CNTNAP4: variants seen among roughly 807,000 people sequenced by gnomAD.
CNTNAP4 encodes the protein contactin associated protein family member 4.
CNTNAP4 carries 98 observed loss-of-function variants against 148.4 expected under a neutral mutation model. The ratio of observed to expected loss-of-function variants is 0.66; its 90% CI spans 0.56 to 0.78. The LOEUF (loss-of-function observed/expected upper bound fraction) is 0.78, where lower values mean the gene tolerates loss of function less well. CNTNAP4 is among the 30% of genes least tolerant of loss of function. CNTNAP4 has a pLI of 0.00. For missense variants in CNTNAP4, 1,935 were observed against 1,565.6 expected, an observed-to-expected ratio of 1.24 and a Z score of -3.98; for synonymous variants, 730 against 565.1, an observed-to-expected ratio of 1.29 and a Z score of -4.14.
At chr16:76,454,419 A>C (rs542598275) in intron 8 of CNTNAP4, among the ~76,000 whole-genome samples, 2 of 152,304 alleles carry the variant, frequency 1.3e-5, no homozygotes, top group African/African-American at 4.8e-5. Context: ...GGGATTTAAA[A>C]ATTTCTAAAT....
intron 3 of CNTNAP4, among the ~76,000 whole-genome samples, chr16:76,361,179 A>T (rs180968479): frequency 6.6e-6 from 1 of 152,226 alleles, no homozygotes; most frequent in African/African-American, 2.4e-5. Flanking sequence ...GTCTTGACAA[A>T]TTTTTAAGTG....
At chr16:76,311,530 A>G (rs1961109145) in intron 1 of CNTNAP4, among the ~76,000 whole-genome samples, 2 of 152,180 alleles carry the variant, frequency 1.3e-5, no homozygotes, top group African/African-American at 4.8e-5. Context: ...TGTAACTAGT[A>G]TATATACATT....
At chr16:76,485,918 A>G (rs1156854249) in intron 12 of CNTNAP4, among the ~76,000 whole-genome samples, 1 of 152,162 alleles carries the variant, frequency 6.6e-6, no homozygotes, top group East Asian at 1.9e-4. Context: ...TTAAGACAGC[A>G]CTTCCTACCT....
At chr16:76,490,798 C>T (rs1462992069) in intron 13 of CNTNAP4, among the ~76,000 whole-genome samples, 1 of 152,126 alleles carries the variant, frequency 6.6e-6, no homozygotes, top group Non-Finnish European at 1.5e-5. Flanking sequence ...ACCCTCGTGC[C>T]ACCCTCAAAC....
chr16:76,387,849 T>C (rs2016642811), intron 3 of CNTNAP4, among the ~76,000 whole-genome samples: 2 of 152,184 alleles, frequency 1.3e-5, no homozygotes, highest in South Asian at 4.1e-4. Flanking sequence ...TCAATAAATG[T>C]AAAGTGATTG....
chr16:76,498,433 T>C, intron 14 of CNTNAP4, 134 bp from the exon 15 acceptor site: 1 of 564,042 alleles, frequency 1.8e-6, no homozygotes, highest in Non-Finnish European at 3.0e-6. Flanking sequence ...TCATTCTGTT[T>C]TTATGTGCTC....
At chr16:76,378,785 A>C (rs1306113531) in intron 3 of CNTNAP4, among the ~76,000 whole-genome samples, 2 of 152,220 alleles carry the variant, frequency 1.3e-5, no homozygotes, top group African/African-American at 4.8e-5. Context: ...TCTGTCCTCC[A>C]TGTCAGTGAG....
chr16:76,305,419 C>G (rs779609183), intron 1 of CNTNAP4, among the ~76,000 whole-genome samples: 1 of 151,958 alleles, frequency 6.6e-6, no homozygotes, highest in Non-Finnish European at 1.5e-5. Flanking sequence ...AAAACCAATT[C>G]CTTCCTTGTG....
At chr16:76,331,674 C>T (rs974903829) in intron 2 of CNTNAP4, among the ~76,000 whole-genome samples, 1 of 152,074 alleles carries the variant, frequency 6.6e-6, no homozygotes, top group Non-Finnish European at 1.5e-5. Flanking sequence ...TATCCTTATG[C>T]ATTGTATGCA....
At chr16:76,329,923 C>T (rs1488688837) in intron 2 of CNTNAP4, among the ~76,000 whole-genome samples, 1 of 152,126 alleles carries the variant, frequency 6.6e-6, no homozygotes, top group Non-Finnish European at 1.5e-5. Flanking sequence ...CAAAGTCTCA[C>T]CATTGACCTT....
chr16:76,453,332 C>A (rs1427412337), intron 8 of CNTNAP4, among the ~76,000 whole-genome samples: 1 of 152,154 alleles, frequency 6.6e-6, no homozygotes, highest in Non-Finnish European at 1.5e-5. Flanking sequence ...AAATGAAATT[C>A]TCTCTACTTC....
chr16:76,325,219 T>C (rs374589371), intron 2 of CNTNAP4, among the ~76,000 whole-genome samples: 1 of 152,180 alleles, frequency 6.6e-6, no homozygotes, highest in East Asian at 1.9e-4. Context: ...ATTGAACAAG[T>C]AGGCAAAAAA....
intron 2 of CNTNAP4, among the ~76,000 whole-genome samples, chr16:76,352,288 C>T (rs1339557473): frequency 2.0e-5 from 3 of 152,128 alleles, no homozygotes; most frequent in African/African-American, 4.8e-5. Flanking sequence ...TTAGATAGGA[C>T]AGTGGAGAGA....
chr16:76,512,370 A>T (rs2083062503), intron 15 of CNTNAP4, among the ~76,000 whole-genome samples: 2 of 152,182 alleles, frequency 1.3e-5, no homozygotes, highest in African/African-American at 2.4e-5. Flanking sequence ...AAATTATGGT[A>T]GCTTGAGCCA....
At chr16:76,517,686 G>T (rs560470468) in intron 15 of CNTNAP4, among the ~76,000 whole-genome samples, 2 of 152,060 alleles carry the variant, frequency 1.3e-5, no homozygotes, top group Non-Finnish European at 2.9e-5. Flanking sequence ...TTCATATATT[G>T]CACAATTCAG....
chr16:76,452,473 C>T (rs2080535738), intron 7 of CNTNAP4, 35 bp from the exon 8 acceptor site: 1 of 1,608,746 alleles, frequency 6.2e-7, no homozygotes, highest in Non-Finnish European at 8.5e-7. Context: ...ATGTGAATAA[C>T]ATTCTGAAAG....
intron 8 of CNTNAP4, among the ~76,000 whole-genome samples, chr16:76,459,786 CT>C (rs2080869808): frequency 6.6e-6 from 1 of 152,124 alleles, no homozygotes; most frequent in South Asian, 2.1e-4. Flanking sequence ...GTAAACCTGA[CT>C]GGTAAATTCA....
intron 11 of CNTNAP4, among the ~76,000 whole-genome samples, chr16:76,476,787 C>T (rs1013934496): frequency 6.6e-6 from 1 of 152,098 alleles, no homozygotes; most frequent in Non-Finnish European, 1.5e-5. Context: ...TAAGGCCCCA[C>T]CTCCCAATAC....
At chr16:76,484,431 A>G (rs2081953114) in intron 12 of CNTNAP4, among the ~76,000 whole-genome samples, 1 of 152,228 alleles carries the variant, frequency 6.6e-6, no homozygotes. Context: ...AGATACCCAG[A>G]GACAGCTAAA....
Sources: gnomAD v4.1 joint callset for allele counts (sites outside exome capture counted in the v4.1 genomes callset) on GRCh38, gnomAD v4.1.1 for gene constraint, MANE v1.5 for transcripts, NCBI Gene and HGNC (gene_info 2026-07-23, HGNC 2026-07-21) for gene names.